The following MYO9A variants were observed in gnomAD, a reference collection of about 807,000 sequenced individuals.
The protein encoded by MYO9A is myosin IXA, also known as unconventional myosin-IXa.
A neutral mutation model predicts 293.3 loss-of-function variants in MYO9A; 103 were observed. The observed-to-expected ratio is 0.35, with a 90% CI of 0.30 to 0.41. MYO9A has a LOEUF of 0.41. Ranked by LOEUF, MYO9A falls within the 10% of genes least tolerant of loss-of-function variation. The pLI is 1.00. For synonymous variants in MYO9A, 1,001 were observed against 1,035.7 expected (o/e 0.97, Z 0.64); for missense variants, 2,685 against 3,033.0 (o/e 0.89, Z 2.69).
chr15:71,831,913 G>C (rs2054744094), intron 39 of MYO9A, among the ~76,000 whole-genome samples: 1 of 152,086 alleles, frequency 6.6e-6, no homozygotes, highest in Non-Finnish European at 1.5e-5. Context: ...TAGTGGACTG[G>C]AAATTAGGTC....
intron 18 of MYO9A, among the ~76,000 whole-genome samples, chr15:71,933,075 A>G (rs2058525471): frequency 6.6e-6 from 1 of 152,116 alleles, no homozygotes; most frequent in Non-Finnish European, 1.5e-5. Context: ...AATCCTGCCC[A>G]CTATTTATAT....
At position 71,935,470 on chromosome 15, in the gene MYO9A, A is replaced by C; in HGVS notation, c.2393T>G (p.Ile798Ser). 1 of 1,613,454 alleles carries C rather than the reference A, an allele frequency of 6.2e-7. No homozygotes were observed. The highest frequency in any genetic ancestry group is 8.5e-7 in the Non-Finnish European group (1 of 1,179,564). ...AATCCCAGTTCTGCCATTCCAGGCA[A>C]TATCAAATGTATCACTGTAAAAAAT... ...NEKNQHDTFD[I>S]AWNGRTGIRQ... Residue 798 changes from isoleucine to serine, a missense_variant, in exon 17 of 42, where the codon ATT becomes AGT. Physicochemically the swap from Ile to Ser is moderately radical, Grantham distance 142. Transcript: ENST00000356056.
chr15:71,853,127 G>C (rs572040374), intron 35 of MYO9A, among the ~76,000 whole-genome samples: 5 of 129,486 alleles, frequency 3.9e-5, no homozygotes, highest in Non-Finnish European at 3.4e-5. Flanking sequence ...GAATGTTTTC[G>C]TGCTGAAGCA....
At chr15:72,096,070 A>T (rs2080053242) in intron 1 of MYO9A, among the ~76,000 whole-genome samples, 1 of 151,670 alleles carries the variant, frequency 6.6e-6, no homozygotes, top group Admixed American at 6.6e-5. Flanking sequence ...CTAAGGCAGG[A>T]GAATCATTTG....
At chr15:71,947,530 T>G (rs1230055393) in intron 15 of MYO9A, among the ~76,000 whole-genome samples, 1 of 152,174 alleles carries the variant, frequency 6.6e-6, no homozygotes, top group African/African-American at 2.4e-5. Context: ...CTTATGAAAT[T>G]TTTTCAACTC....
At position 71,916,396 on chromosome 15, in the gene MYO9A, G is replaced by GT. The variant is rs745976482; in HGVS notation, c.2658dup (p.Pro887ThrfsTer33). ...TGAAACTGGGCACTGATGCTGGGAGGTTTTTTCTTCTTGTGTAAATGAAGA... is the reference window on the plus strand; with the variant it reads ...TGAAACTGGGCACTGATGCTGGGAGGTTTTTTTCTTCTTGTGTAAATGAAGA... On this transcript the variant is annotated frameshift_variant, in exon 19 of 42. Coordinates refer to ENST00000356056, the MANE Select transcript of MYO9A (RefSeq NM_006901.4). LOFTEE classifies it high-confidence loss of function. 1 of 1,613,244 alleles carries GT rather than the reference G, an allele frequency of 6.2e-7. No individual in the cohort carries two copies. The highest frequency in any genetic ancestry group is 1.7e-5 in the Admixed American group (1 of 59,870).
chr15:71,890,880 G>A (rs2057156581), intron 26 of MYO9A: 1 of 150,856 alleles, frequency 6.6e-6, no homozygotes, highest in Non-Finnish European at 1.5e-5. Context: ...AAAAAATCCA[G>A]CTTTTAAAAC....
intron 38 of MYO9A, 97 bp downstream of exon 38, chr15:71,849,939 A>ATTTATGAACCTATTCACTAT: frequency 7.3e-7 from 1 of 1,378,816 alleles, no homozygotes; most frequent in Non-Finnish European, 1.0e-6. Flanking sequence ...AAACACCTGA[A>ATTTATGAACCTATTCACTAT]TTTATGAACC....
At chr15:71,877,487 G>A (rs930753031) in intron 31 of MYO9A, among the ~76,000 whole-genome samples, 6 of 151,862 alleles carry the variant, frequency 4.0e-5, no homozygotes, top group African/African-American at 1.5e-4. Context: ...AGACGGAGTC[G>A]CACTTTGCCA....
At chr15:72,021,607 G>A (rs1198624072) in intron 4 of MYO9A, among the ~76,000 whole-genome samples, 5 of 152,004 alleles carry the variant, frequency 3.3e-5, no homozygotes, top group African/African-American at 7.3e-5. Context: ...GATTCAATTC[G>A]GACTTCATAT....
At chr15:72,059,427 C>A (rs2078816406) in intron 1 of MYO9A, among the ~76,000 whole-genome samples, 1 of 152,216 alleles carries the variant, frequency 6.6e-6, no homozygotes, top group Admixed American at 6.5e-5. Flanking sequence ...TACATGACTT[C>A]TGTGACTTCA....
intron 13 of MYO9A, among the ~76,000 whole-genome samples, chr15:71,966,828 G>A (rs767445090): frequency 8.5e-5 from 13 of 152,152 alleles, no homozygotes; most frequent in Non-Finnish European, 1.8e-4. Context: ...AACACAAGTC[G>A]TATCCTCTGC....
intron 18 of MYO9A, among the ~76,000 whole-genome samples, chr15:71,922,562 A>T (rs2145129690): frequency 6.7e-6 from 1 of 150,004 alleles, no homozygotes; most frequent in East Asian, 2.0e-4. Flanking sequence ...AACCTGTCTA[A>T]CTGAAACATT....
chr15:71,972,721 A>G (rs1438123123), intron 12 of MYO9A, among the ~76,000 whole-genome samples: 19 of 152,222 alleles, frequency 1.2e-4, no homozygotes, highest in Admixed American at 1.2e-3. Context: ...ATTTGCTAAA[A>G]AGGCCCTGGC....
At chr15:72,048,829 T>C (rs2078470035) in intron 1 of MYO9A, among the ~76,000 whole-genome samples, 1 of 152,234 alleles carries the variant, frequency 6.6e-6, no homozygotes, top group Non-Finnish European at 1.5e-5. Flanking sequence ...TAATTGACTC[T>C]TCTCATTCAT....
rs2057403611 is a variant in MYO9A at position 71,898,772 on chromosome 15, A to C, written c.3731T>G (p.Val1244Gly). The C allele has an allele frequency of 1.2e-6, 2 of 1,613,996 alleles. No homozygotes were observed. The highest frequency in any genetic ancestry group is 1.3e-5 in the African/African-American group (1 of 74,882). The change falls in exon 25 of 42, where the codon GTG becomes GGG. Residue 1244 changes from valine (V) to glycine (G), a missense_variant. Transcript: ENST00000356056. ...TACAAGCACATCTTCCTGCAAGTCC[A>C]CACCACTCTGGCTTTGGGCTCTCTC... Reference protein sequence around the residue: ...QQERAQSQSGVDLQEDVLVRE... With the variant: ...QQERAQSQSGGDLQEDVLVRE...
chr15:72,080,688 C>T (rs1045046953), intron 1 of MYO9A, among the ~76,000 whole-genome samples: 14 of 152,014 alleles, frequency 9.2e-5, no homozygotes, highest in African/African-American at 3.1e-4. Flanking sequence ...AGGGGTCTGC[C>T]GTACAGATTA....
intron 13 of MYO9A, among the ~76,000 whole-genome samples, chr15:71,966,265 AGTGTGTGTGTGT>A (rs377708464): frequency 3.2e-4 from 43 of 134,954 alleles, no homozygotes; most frequent in African/African-American, 2.9e-4. Context: ...ATCCCAGGCA[AGTGTGTGTGTGT>A]GTGTGTGTGT....
chr15:71,896,221 GA>G (rs2057322370), intron 25 of MYO9A, among the ~76,000 whole-genome samples: 1 of 152,080 alleles, frequency 6.6e-6, no homozygotes, highest in South Asian at 2.1e-4. Flanking sequence ...AAATCCATAT[GA>G]AATTTTAAAG....
Sources: gnomAD v4.1 joint callset for allele counts (sites outside exome capture counted in the v4.1 genomes callset) on GRCh38, gnomAD v4.1.1 for gene constraint, MANE v1.5 for transcripts, NCBI Gene and HGNC (gene_info 2026-07-23, HGNC 2026-07-21) for gene names.